Variants in DOCK4 observed in about 807,000 individuals in gnomAD.
DOCK4 encodes the protein dedicator of cytokinesis 4.
DOCK4 carries 97 observed loss-of-function variants against 268.1 expected under a neutral mutation model. That is an observed-to-expected ratio of 0.36 (90% CI 0.31 to 0.43). DOCK4 has a LOEUF of 0.43. Ranked by LOEUF, DOCK4 falls within the 20% of genes least tolerant of loss-of-function variation. The pLI, the probability that DOCK4 is intolerant of heterozygous loss-of-function variation, is 1.00. For missense variants in DOCK4, 2,145 were observed against 2,455.7 expected (o/e 0.87, Z 2.67); for synonymous variants, 954 against 887.2 (o/e 1.08, Z -1.34).
intron 27 of DOCK4, among the ~76,000 whole-genome samples, chr7:111,813,859 G>A (rs1362498202): frequency 6.6e-6 from 1 of 152,152 alleles, no homozygotes; most frequent in Non-Finnish European, 1.5e-5. Flanking sequence ...GAAAATGAAA[G>A]GCTATCAGGC....
chr7:112,204,933 G>A (rs921678894), intron 1 of DOCK4, among the ~76,000 whole-genome samples: 6 of 151,144 alleles, frequency 4.0e-5, no homozygotes, highest in Admixed American at 2.6e-4. Flanking sequence ...GGCAGAACAG[G>A]GCATTATAGG....
chr7:112,169,333 G>A (rs1298655010), intron 1 of DOCK4, among the ~76,000 whole-genome samples: 1 of 152,108 alleles, frequency 6.6e-6, no homozygotes, highest in African/African-American at 2.4e-5. Flanking sequence ...GTACAAGAAT[G>A]GACTAATATG....
chr7:112,009,305 G>A (rs188628692), intron 1 of DOCK4, among the ~76,000 whole-genome samples: 1 of 152,172 alleles, frequency 6.6e-6, no homozygotes, highest in Non-Finnish European at 1.5e-5. Flanking sequence ...TCATGAACAG[G>A]TTGTGGTTTA....
At position 111,920,899 on chromosome 7, in the gene DOCK4, T is replaced by A. The variant is rs553391079; in HGVS notation, c.1067-4995A>T. On this transcript the variant is annotated intron_variant, in intron 12 of 52. Transcript: ENST00000428084. ...GAATTGGAAAGCTTAGGAAATTTTT[T>A]ATTGGAATTTATGACAACCTGTAAA... Among the ~76,000 whole-genome samples, 124 of 152,260 alleles carry A rather than the reference T, an allele frequency of 8.1e-4. 1 individual carries two copies. The highest frequency in any genetic ancestry group is 2.6e-3 in the African/African-American group (108 of 41,560).
intron 38 of DOCK4, among the ~76,000 whole-genome samples, chr7:111,765,554 A>G (rs999213746): frequency 6.6e-6 from 1 of 152,226 alleles, no homozygotes; most frequent in Non-Finnish European, 1.5e-5. Context: ...ATTTCTATGC[A>G]TGTAGTCCTA....
intron 25 of DOCK4, chr7:111,840,801 C>A: frequency 7.4e-7 from 1 of 1,342,884 alleles, no homozygotes. Flanking sequence ...CCATATGTGT[C>A]TGCACAGACT....
chr7:112,000,869 A>G (rs1800367213), intron 2 of DOCK4, among the ~76,000 whole-genome samples: 1 of 152,200 alleles, frequency 6.6e-6, no homozygotes, highest in Non-Finnish European at 1.5e-5. Flanking sequence ...GTTACTTGAC[A>G]TCTCTGAGTA....
intron 1 of DOCK4, among the ~76,000 whole-genome samples, chr7:112,094,054 G>A (rs2135775632): frequency 6.6e-6 from 1 of 152,036 alleles, no homozygotes; most frequent in South Asian, 2.1e-4. Context: ...CAGCTGATTG[G>A]CAAATATTTA....
At chr7:112,141,305 G>A (rs544131174) in intron 1 of DOCK4, among the ~76,000 whole-genome samples, 1 of 152,274 alleles carries the variant, frequency 6.6e-6, no homozygotes, top group Non-Finnish European at 1.5e-5. Context: ...TCAAAAACTT[G>A]CAATCTGTGA....
chr7:111,989,106 G>A lies in DOCK4; in HGVS notation c.373C>T (p.Leu125=). Residue 125 remains leucine, a synonymous_variant, in exon 6 of 53, where the codon CTG becomes TTG. Transcript: ENST00000428084. ...TGGCCCACCAGCACCTGCCGCCTCA[G>A]GTCCAGGATTTCATTCATGATGTGC... ...LWHIMNEILD[L]RRQVLVGHLT... 1.2e-6 allele frequency: 2 copies of A among 1,614,020 alleles called. No individual in the cohort carries two copies. Among genetic ancestry groups the A allele is most frequent in the Non-Finnish European group, 1.7e-6 (2 of 1,179,884 alleles).
chr7:111,831,489 C>CATT (rs1563563292), intron 26 of DOCK4, among the ~76,000 whole-genome samples: 1 of 144,032 alleles, frequency 6.9e-6, no homozygotes, highest in Non-Finnish European at 1.5e-5. Flanking sequence ...TTTCCTTTTT[C>CATT]TTTTTTTTTT....
At chr7:111,782,823 G>A (rs757972955) in intron 35 of DOCK4, 41 bp downstream of exon 35, 1 of 1,585,274 alleles carries the variant, frequency 6.3e-7, no homozygotes, top group Non-Finnish European at 8.7e-7. Flanking sequence ...AAAAATACAA[G>A]TATTAGGAGA....
intron 16 of DOCK4, among the ~76,000 whole-genome samples, chr7:111,892,816 G>C (rs1808406892): frequency 6.6e-6 from 1 of 152,178 alleles, no homozygotes; most frequent in Non-Finnish European, 1.5e-5. Context: ...AACTGAATTT[G>C]TTGGCTCAGT....
chr7:111,983,844 A>ATGTG (rs1554402959), intron 7 of DOCK4, among the ~76,000 whole-genome samples: 100 of 138,992 alleles, frequency 7.2e-4, no homozygotes, highest in African/African-American at 2.6e-3. Context: ...GTACACACAC[A>ATGTG]CGCGCGCGCG....
At chr7:111,809,208 T>G (rs1800896689) in intron 29 of DOCK4, 93 bp downstream of exon 29, 1 of 1,047,728 alleles carries the variant, frequency 9.5e-7, no homozygotes, top group African/African-American at 1.6e-5. Context: ...CACTGTGTGA[T>G]TTCCAGTTAT....
At chr7:112,027,948 T>C (rs1802949236) in intron 1 of DOCK4, among the ~76,000 whole-genome samples, 1 of 152,086 alleles carries the variant, frequency 6.6e-6, no homozygotes, top group South Asian at 2.1e-4. Context: ...ACCATTCCAT[T>C]TGAGAAAGAC....
intron 25 of DOCK4, among the ~76,000 whole-genome samples, chr7:111,841,988 T>C (rs1803734430): frequency 6.6e-6 from 1 of 152,226 alleles, no homozygotes; most frequent in Non-Finnish European, 1.5e-5. Flanking sequence ...TGCTATGACT[T>C]TGTTTGCTTG....
intron 30 of DOCK4, among the ~76,000 whole-genome samples, chr7:111,790,874 C>T (rs899582922): frequency 4.6e-5 from 7 of 151,234 alleles, no homozygotes; most frequent in Admixed American, 1.3e-4. Flanking sequence ...CTGGCTAACA[C>T]GGTGAAACCC....
At chr7:111,979,310 T>C (rs1373109137) in intron 7 of DOCK4, among the ~76,000 whole-genome samples, 1 of 152,156 alleles carries the variant, frequency 6.6e-6, no homozygotes, top group African/African-American at 2.4e-5. Flanking sequence ...AATCTCTTCG[T>C]AAAAGTGGAG....
Sources: allele counts gnomAD v4.1 joint callset (sites outside exome capture counted in the v4.1 genomes callset), GRCh38; gene constraint gnomAD v4.1.1; transcripts MANE v1.5; gene names NCBI Gene and HGNC (gene_info 2026-07-23, HGNC 2026-07-21).